The following PAPSS1 variants were observed in gnomAD, a reference collection of about 807,000 sequenced individuals.
The protein encoded by PAPSS1 is 3'-phosphoadenosine 5'-phosphosulfate synthase 1.
In PAPSS1, 50 loss-of-function variants were observed where a neutral mutation model predicts 72.0. The observed-to-expected ratio is 0.69, with a 90% CI of 0.55 to 0.88. The LOEUF (loss-of-function observed/expected upper bound fraction) is 0.88. Ranked by LOEUF, PAPSS1 falls within the 40% of genes least tolerant of loss-of-function variation. The probability of loss-of-function intolerance (pLI) is 0.00; values close to 1 mark genes in which losing one functional copy is unlikely to be tolerated. For synonymous variants in PAPSS1, 261 were observed against 263.6 expected, an observed-to-expected ratio of 0.99 and a Z score of 0.09; for missense variants, 657 against 782.2, an observed-to-expected ratio of 0.84 and a Z score of 1.91.
At chr4:107,716,777 G>A (rs1441823882) in intron 1 of PAPSS1, among the ~76,000 whole-genome samples, 1 of 152,160 alleles carries the variant, frequency 6.6e-6, no homozygotes, top group Non-Finnish European at 1.5e-5. Flanking sequence ...TATTCCCACA[G>A]GTATATGGAC....
intron 7 of PAPSS1, 145 bp from the exon 8 acceptor site, chr4:107,655,045 G>T: frequency 4.9e-6 from 2 of 410,900 alleles, no homozygotes; most frequent in Non-Finnish European, 4.2e-6. Flanking sequence ...ACCTGGCACA[G>T]AAAAACGAAA....
In PAPSS1 at chr4:107,637,417, T is replaced by C. The variant is rs940784532; in HGVS notation, c.1507-5557A>G. Among the ~76,000 whole-genome samples the C allele has an allele frequency of 5.3e-5, 8 of 152,180 alleles. 1 individual carries two copies. The highest frequency in any genetic ancestry group is 4.6e-4 in the Admixed American group (7 of 15,280). On this transcript the variant is annotated intron_variant, in intron 10 of 11. Coordinates refer to ENST00000265174, the MANE Select transcript of PAPSS1 (RefSeq NM_005443.5). ...CTACTTTTCAAATTTAATTACATTATAAAATTATAAAATGGACTATACTGC... is the reference window on the plus strand; with the variant it reads ...CTACTTTTCAAATTTAATTACATTACAAAATTATAAAATGGACTATACTGC...
At chr4:107,681,969 G>T in intron 5 of PAPSS1, 46 bp downstream of exon 5, 1 of 905,872 alleles carries the variant, frequency 1.1e-6, no homozygotes, top group Non-Finnish European at 1.8e-6. Flanking sequence ...GATTATGAGA[G>T]AGATATAATT....
intron 2 of PAPSS1, among the ~76,000 whole-genome samples, chr4:107,700,680 C>G (rs1357864906): frequency 6.6e-6 from 1 of 152,168 alleles, no homozygotes; most frequent in Non-Finnish European, 1.5e-5. Flanking sequence ...TGAGTTCAAT[C>G]TTTTGCTCTT....
At position 107,652,615 on chromosome 4, in the gene PAPSS1, T is replaced by C. The variant is rs146886438; in HGVS notation, c.1237+876A>G. On this transcript the variant is annotated intron_variant, in intron 9 of 11. Coordinates refer to ENST00000265174, the MANE Select transcript of PAPSS1 (RefSeq NM_005443.5). ...ATTTATGGATCCTCAGCACATGGCATACTGGCATATAAAGATCCAGAAACA... is the reference window on the plus strand; with the variant it reads ...ATTTATGGATCCTCAGCACATGGCACACTGGCATATAAAGATCCAGAAACA... Among the ~76,000 whole-genome samples the C allele has an allele frequency of 6.6e-4, 100 of 152,318 alleles. 2 individuals are homozygous for C. Among genetic ancestry groups the C allele is most frequent in the Admixed American group, 4.7e-3 (72 of 15,304 alleles).
chr4:107,718,758 A>G (rs1341369723), intron 1 of PAPSS1, among the ~76,000 whole-genome samples: 1 of 152,392 alleles, frequency 6.6e-6, no homozygotes, highest in East Asian at 1.9e-4. Flanking sequence ...TCATCTGTAA[A>G]TACCCCAAGT....
intron 3 of PAPSS1, among the ~76,000 whole-genome samples, chr4:107,687,869 C>T (rs1722827373): frequency 6.6e-6 from 1 of 151,912 alleles, no homozygotes; most frequent in Non-Finnish European, 1.5e-5. Context: ...CAATTTCTAC[C>T]ATCCTTTTTC....
chr4:107,664,902 C>G (rs1233070716), intron 5 of PAPSS1, among the ~76,000 whole-genome samples: 2 of 152,104 alleles, frequency 1.3e-5, no homozygotes, highest in Non-Finnish European at 2.9e-5. Context: ...GTTTTTGAGT[C>G]AAAATAACTT....
intron 10 of PAPSS1, among the ~76,000 whole-genome samples, chr4:107,635,090 G>A (rs59878780): frequency 1.7e-3 from 265 of 152,146 alleles, no homozygotes; most frequent in African/African-American, 5.7e-3. Flanking sequence ...GAGCCACCGC[G>A]CTTGGCCTAT....
At chr4:107,635,604 T>TA (rs1249229116) in intron 10 of PAPSS1, among the ~76,000 whole-genome samples, 2 of 151,970 alleles carry the variant, frequency 1.3e-5, no homozygotes, top group African/African-American at 4.8e-5. Flanking sequence ...GTTTTTATGA[T>TA]AAAGTGAGGC....
chr4:107,614,617 A>C (rs1396045983), intron 11 of PAPSS1, among the ~76,000 whole-genome samples: 1 of 152,140 alleles, frequency 6.6e-6, no homozygotes, highest in Non-Finnish European at 1.5e-5. Flanking sequence ...TTTTATTGAG[A>C]CCATTGTAGA....
chr4:107,655,088 G>A (rs1279791517), intron 7 of PAPSS1, among the ~76,000 whole-genome samples, 188 bp from the exon 8 acceptor site: 2 of 137,782 alleles, frequency 1.5e-5, no homozygotes, highest in Admixed American at 7.8e-5. Context: ...GGGAGAATGA[G>A]CAACGATCTC....
rs796311749 is a variant in PAPSS1, at chr4:107,664,660, TA to T, written c.670-4589del. On this transcript the variant is annotated intron_variant, in intron 5 of 11. Coordinates refer to ENST00000265174, the MANE Select transcript of PAPSS1 (RefSeq NM_005443.5). ...TTTCCTTCCAACCATATCCCCAAGT[TA>T]AAAAAAAAAAACTGTACAAATAATT... Among the ~76,000 whole-genome samples, 444 of 144,246 alleles carry T rather than the reference TA, an allele frequency of 3.1e-3. 4 individuals carry two copies. Among genetic ancestry groups the T allele is most frequent in the African/African-American group, 7.8e-3 (309 of 39,520 alleles). The allele number at this position is 144,246 out of a possible 152,430, so 94.6% of individuals were successfully genotyped here.
chr4:107,653,134 T>C (rs986431378), intron 9 of PAPSS1, among the ~76,000 whole-genome samples: 19 of 151,184 alleles, frequency 1.3e-4, no homozygotes, highest in Non-Finnish European at 2.7e-4. Flanking sequence ...TGAATATATA[T>C]GAATATATAT....
At chr4:107,716,757 T>G (rs1293235823) in intron 1 of PAPSS1, among the ~76,000 whole-genome samples, 1 of 152,194 alleles carries the variant, frequency 6.6e-6, no homozygotes, top group Non-Finnish European at 1.5e-5. Context: ...ATTTCTTGGT[T>G]TTTCTTTACT....
intron 5 of PAPSS1, among the ~76,000 whole-genome samples, chr4:107,665,470 C>G (rs1032165599): frequency 1.3e-5 from 2 of 152,128 alleles, no homozygotes; most frequent in African/African-American, 4.8e-5. Context: ...ATATAAAACC[C>G]TTTGCTTCAT....
At chr4:107,639,193 AAAAG>A (rs1726471748) in intron 10 of PAPSS1, among the ~76,000 whole-genome samples, 1 of 143,536 alleles carries the variant, frequency 7.0e-6, no homozygotes, top group African/African-American at 3.0e-5. Flanking sequence ...TTTCCCTATG[AAAAG>A]CAACCTATAA....
At chr4:107,682,939 A>G (rs1013228659) in intron 4 of PAPSS1, among the ~76,000 whole-genome samples, 1 of 152,232 alleles carries the variant, frequency 6.6e-6, no homozygotes, top group Non-Finnish European at 1.5e-5. Flanking sequence ...ACAATCACAT[A>G]TAATTTTAGT....
chr4:107,628,668 A>G (rs1372332222), intron 11 of PAPSS1, among the ~76,000 whole-genome samples: 1 of 152,252 alleles, frequency 6.6e-6, no homozygotes, highest in Admixed American at 6.5e-5. Flanking sequence ...TTGTACTAAA[A>G]GAGCAGGTAT....
Sources: gnomAD v4.1 joint callset for allele counts (sites outside exome capture counted in the v4.1 genomes callset) on GRCh38, gnomAD v4.1.1 for gene constraint, MANE v1.5 for transcripts, NCBI Gene and HGNC (gene_info 2026-07-23, HGNC 2026-07-21) for gene names.